DTD2: variants seen among roughly 807,000 people sequenced by gnomAD.
The protein encoded by DTD2 is D-tyrosyl-tRNA deacylase 2 (putative).
In DTD2, 12 loss-of-function variants were observed where a neutral mutation model predicts 15.5. The observed-to-expected ratio is 0.77, with a 90% CI of 0.50 to 1.25. The LOEUF is 1.25. Ranked by LOEUF, DTD2 falls within the 50% of genes most tolerant of loss-of-function variation. The probability of loss-of-function intolerance (pLI) is 0.00; values close to 1 mark genes in which losing one functional copy is unlikely to be tolerated. For missense variants in DTD2, 170 were observed against 201.1 expected (o/e 0.85, Z 0.93); for synonymous variants, 59 against 77.3 (o/e 0.76, Z 1.24).
rs2031953451 is a variant in DTD2, at chr14:31,446,045, T to C, written c.*2084A>G. 6.6e-6 allele frequency: 1 copy of C among 152,236 alleles called. No individual in the cohort carries two copies. Among genetic ancestry groups the C allele is most frequent in the African/African-American group, 2.4e-5 (1 of 41,460 alleles). The allele number at this position is 152,236 out of a possible 1,614,324, so 9.4% of individuals were successfully genotyped here. A position where few individuals can be genotyped will look rare whatever the true frequency, so the allele number is the denominator to read the frequency against. On this transcript the variant is annotated 3_prime_UTR_variant, in exon 3 of 3. Transcript: ENST00000310850. ...TTTGAGACAACTGGAGTTTGCAAGTTTATGAATAGTTTATTACATTTCAGT... is the reference window on the plus strand; with the variant it reads ...TTTGAGACAACTGGAGTTTGCAAGTCTATGAATAGTTTATTACATTTCAGT...
In DTD2 at chr14:31,447,754, G is replaced by A. The variant is rs190105818; in HGVS notation, c.*375C>T. On this transcript the variant is annotated 3_prime_UTR_variant, in exon 3 of 3. Transcript: ENST00000310850. ...GAGAATCGCTTGAATCCAGGAGGTGGAGGTTGCAGTGAGCCGAGATTGCGC... is the reference window on the plus strand; with the variant it reads ...GAGAATCGCTTGAATCCAGGAGGTGAAGGTTGCAGTGAGCCGAGATTGCGC... 795 of 158,224 alleles carry A rather than the reference G, an allele frequency of 5.0e-3. 3 individuals carry two copies. The highest frequency in any genetic ancestry group is 8.1e-3 in the Non-Finnish European group (585 of 72,302). The allele number at this position is 158,224 out of a possible 1,614,324, so 9.8% of individuals were successfully genotyped here.
intron 1 of DTD2, 67 bp from the exon 2 acceptor site, chr14:31,453,411 TACAGTTTC>T: frequency 7.3e-7 from 1 of 1,363,518 alleles, no homozygotes; most frequent in South Asian, 1.2e-5. Flanking sequence ...GCTAAATGGG[TACAGTTTC>T]ACAACTATTA....
chr14:31,451,202 C>T (rs900797272), intron 2 of DTD2, among the ~76,000 whole-genome samples: 10 of 145,958 alleles, frequency 6.9e-5, no homozygotes, highest in Non-Finnish European at 1.5e-4. Flanking sequence ...GGCTGGAGTG[C>T]AGTGGCGTGA....
Position 31,446,516 on chromosome 14 carries a change from T to C in DTD2, c.*1613A>G, listed in dbSNP as rs540543282. The C allele has an allele frequency of 1.3e-5, 2 of 152,288 alleles. No homozygotes were observed. The highest frequency in any genetic ancestry group is 4.1e-4 in the South Asian group (2 of 4,822). The allele number at this position is 152,288 out of a possible 1,614,324, so 9.4% of individuals were successfully genotyped here. A position where few individuals can be genotyped will look rare whatever the true frequency, so the allele number is the denominator to read the frequency against. Reference sequence around the variant, plus strand: ...CTCAGACTGCCCTAACAAAATACCATAGGACTGGGTGGTTTAAACACCAGA... The same window carrying C: ...CTCAGACTGCCCTAACAAAATACCACAGGACTGGGTGGTTTAAACACCAGA... On this transcript the variant is annotated 3_prime_UTR_variant, in exon 3 of 3. Coordinates refer to ENST00000310850, the MANE Select transcript of DTD2 (RefSeq NM_080664.3).
intron 2 of DTD2, chr14:31,452,267 A>T (rs1448103336): frequency 2.0e-5 from 3 of 152,236 alleles, no homozygotes; most frequent in Non-Finnish European, 2.9e-5. Flanking sequence ...TCTTGTATAT[A>T]CAGTGTCATC....
At chr14:31,448,830 T>C (rs1015649333) in intron 2 of DTD2, among the ~76,000 whole-genome samples, 6 of 152,200 alleles carry the variant, frequency 3.9e-5, no homozygotes, top group African/African-American at 1.4e-4. Flanking sequence ...TAAATCCCAC[T>C]GGAAAAATAT....
Position 31,457,265 on chromosome 14 carries a change from C to G in DTD2, c.111+18G>C, listed in dbSNP as rs750261184. The G allele has an allele frequency of 6.4e-6, 10 of 1,552,790 alleles. No individual in the cohort carries two copies. In the East Asian group the frequency reaches 2.4e-4, roughly 37 times the overall value. On this transcript the variant is annotated intron_variant, in intron 1 of 2. Coordinates refer to ENST00000310850, the MANE Select transcript of DTD2 (RefSeq NM_080664.3). ...CCCGCACGCCGGAGGATAACGAGAG[C>G]TGCCGGGCTGACGTTACCTCCACCC...
Position 31,457,390 on chromosome 14 carries a change from C to T in DTD2, c.4G>A (p.Ala2Thr), listed in dbSNP as rs776211808. Residue 2 changes from alanine to threonine, a missense_variant, in exon 1 of 3, where the codon GCT becomes ACT. Physicochemically the swap from Ala to Thr is moderately conservative, Grantham distance 58 (BLOSUM62 0). Transcript: ENST00000310850. M[A>T]EGSRIPQARA... ...GCCTGAGGAATCCGGCTACCCTCAG[C>T]CATGGCTTAAGCCAGCGCCGCGGCC... 2 of 1,534,586 alleles carry T rather than the reference C, an allele frequency of 1.3e-6. No individual in the cohort carries two copies. Among genetic ancestry groups the T allele is most frequent in the Non-Finnish European group, 1.8e-6 (2 of 1,138,134 alleles).
Position 31,448,444 on chromosome 14 carries a change from C to G in DTD2, c.192G>C (p.Leu64=), listed in dbSNP as rs982828891. 6.2e-7 allele frequency: 1 copy of G among 1,611,314 alleles called. No homozygotes were observed. Among genetic ancestry groups the G allele is most frequent in the Non-Finnish European group, 8.5e-7 (1 of 1,178,772 alleles). The part of the protein sequence containing the change: ...KELLPKMVNT[L]LNVKLSETEN... ...CTGTCTCACTTAATTTCACATTTAA[C>G]AGTGTATTAACTGGGTGAGGAAGAA... The change falls in exon 3 of 3, where the codon CTG becomes CTC. Residue 64 remains leucine, a synonymous_variant. Coordinates refer to ENST00000310850, the MANE Select transcript of DTD2 (RefSeq NM_080664.3).
chr14:31,457,383 C>T lies in DTD2; in HGVS notation c.11G>A (p.Gly4Asp). The T allele has an allele frequency of 6.5e-7, 1 of 1,547,626 alleles. No individual in the cohort carries two copies. Among genetic ancestry groups the T allele is most frequent in the Non-Finnish European group, 8.7e-7 (1 of 1,145,396 alleles). The change falls in exon 1 of 3, where the codon GGT (glycine) becomes GAT (aspartate). Residue 4 changes from glycine to aspartate, a missense_variant. Coordinates refer to ENST00000310850, the MANE Select transcript of DTD2 (RefSeq NM_080664.3). ...CGCCCGGGCCTGAGGAATCCGGCTA[C>T]CCTCAGCCATGGCTTAAGCCAGCGC... MAEGSRIPQARALL... is the reference protein window; with the variant it reads MAEDSRIPQARALL...
intron 1 of DTD2, among the ~76,000 whole-genome samples, chr14:31,454,448 T>C (rs2032073188): frequency 6.6e-6 from 1 of 152,194 alleles, no homozygotes; most frequent in African/African-American, 2.4e-5. Flanking sequence ...AAGTGAGTTT[T>C]AAAAAGTACA....
chr14:31,457,099 T>C (rs1366172888), intron 1 of DTD2, 184 bp downstream of exon 1: 1 of 600,714 alleles, frequency 1.7e-6, no homozygotes. Context: ...GGAACGGTGA[T>C]GCTGGACCGA....
At position 31,448,051 on chromosome 14, in the gene DTD2, G is replaced by A; in HGVS notation, c.*78C>T. 1 of 1,275,266 alleles carries A rather than the reference G, an allele frequency of 7.8e-7. No homozygotes were observed. Among genetic ancestry groups the A allele is most frequent in the Middle Eastern group, 1.9e-4 (1 of 5,186 alleles). 79.0% of individuals were successfully genotyped at this position (1,275,266 alleles called of 1,614,324 possible). On this transcript the variant is annotated 3_prime_UTR_variant, in exon 3 of 3. Transcript: ENST00000310850. ...AAATGCTGAAGATTAGTATATTCAA[G>A]ATTAAGGGGAAGAAAATCTAATTAT...
At position 31,453,183 on chromosome 14, in the gene DTD2, C is replaced by T; in HGVS notation, c.181+92G>A. On this transcript the variant is annotated intron_variant, in intron 2 of 2. Transcript: ENST00000310850. ...CTAACTCCTGGGTTCAAGTAATCCA[C>T]TTGCCTTGGCCTCCCAACGTGTTGG... 3 of 1,241,086 alleles carry T rather than the reference C, an allele frequency of 2.4e-6. No individual in the cohort carries two copies. The African/African-American group carries it at 4.4e-5, about 18-fold the overall frequency. 76.9% of individuals were successfully genotyped at this position (1,241,086 alleles called of 1,614,324 possible). A position where few individuals can be genotyped will look rare whatever the true frequency, so the allele number is the denominator to read the frequency against.
intron 2 of DTD2, chr14:31,452,626 A>G (rs2032049916): frequency 6.6e-6 from 1 of 152,250 alleles, no homozygotes; most frequent in Non-Finnish European, 1.5e-5. Flanking sequence ...ATACAAAATT[A>G]TAGCTAGATA....
At chr14:31,457,219 A>G in intron 1 of DTD2, 64 bp downstream of exon 1, 1 of 1,425,722 alleles carries the variant, frequency 7.0e-7, no homozygotes, top group Non-Finnish European at 9.6e-7. Context: ...CGAGTCACCG[A>G]GACAACGCGG....
intron 2 of DTD2, among the ~76,000 whole-genome samples, 186 bp from the exon 3 acceptor site, chr14:31,448,640 G>C (rs2139359552): frequency 6.6e-6 from 1 of 152,232 alleles, no homozygotes; most frequent in East Asian, 1.9e-4. Flanking sequence ...TGAAAAATAA[G>C]GCAATTTTCA....
At chr14:31,448,594 T>A in intron 2 of DTD2, 140 bp from the exon 3 acceptor site, 1 of 685,556 alleles carries the variant, frequency 1.5e-6, no homozygotes, top group Non-Finnish European at 2.4e-6. Context: ...TATTTAGATT[T>A]AAAATACTGC....
intron 2 of DTD2, among the ~76,000 whole-genome samples, chr14:31,450,785 G>A (rs1166353367): frequency 6.6e-6 from 1 of 152,172 alleles, no homozygotes. Context: ...GACCTCCTCA[G>A]TGTTTTAAAT....
Sources: allele counts gnomAD v4.1 joint callset (sites outside exome capture counted in the v4.1 genomes callset), GRCh38; gene constraint gnomAD v4.1.1; transcripts MANE v1.5; gene names NCBI Gene and HGNC (gene_info 2026-07-23, HGNC 2026-07-21).